Variants in PARP8 observed in about 807,000 individuals in gnomAD.
The protein encoded by PARP8 is protein mono-ADP-ribosyltransferase PARP8.
Under a neutral mutation model 124.1 loss-of-function variants are expected in PARP8, and 51 were observed. The ratio of observed to expected loss-of-function variants is 0.41; its 90% CI spans 0.33 to 0.52. PARP8 has a LOEUF of 0.52. Ranked by LOEUF, PARP8 falls within the 20% of genes least tolerant of loss-of-function variation. The pLI, the probability that PARP8 is intolerant of heterozygous loss-of-function variation, is 0.21. For missense variants in PARP8, 860 were observed against 1,018.9 expected (o/e 0.84, Z 2.12); for synonymous variants, 391 against 361.5 (o/e 1.08, Z -0.93).
At chr5:50,754,116 C>CATATAT (rs373375463) in intron 3 of PARP8, among the ~76,000 whole-genome samples, 1,337 of 63,552 alleles carry the variant, frequency 0.021, 9 homozygotes, top group Non-Finnish European at 0.026. Context: ...TGAAAACATT[C>CATATAT]ATATATATAT....
At chr5:50,679,010 A>G (rs1204674082) in intron 2 of PARP8, among the ~76,000 whole-genome samples, 1 of 152,180 alleles carries the variant, frequency 6.6e-6, no homozygotes, top group Admixed American at 6.5e-5. Flanking sequence ...AATGATATTT[A>G]TTTGTAACAT....
intron 2 of PARP8, among the ~76,000 whole-genome samples, chr5:50,676,834 C>T (rs971218420): frequency 1.3e-5 from 2 of 152,140 alleles, no homozygotes; most frequent in Non-Finnish European, 2.9e-5. Flanking sequence ...CCACATTAGT[C>T]GGGAAGCAAA....
chr5:50,754,452 C>T (rs998586215), intron 3 of PARP8, among the ~76,000 whole-genome samples: 12 of 151,582 alleles, frequency 7.9e-5, no homozygotes, highest in East Asian at 7.8e-4. Context: ...TTTGTCCTTG[C>T]GATAGTTTGC....
intron 3 of PARP8, among the ~76,000 whole-genome samples, chr5:50,754,408 C>T (rs1759674123): frequency 6.6e-6 from 1 of 151,534 alleles, no homozygotes; most frequent in Non-Finnish European, 1.5e-5. Flanking sequence ...TGTTCAATTC[C>T]CACCTATGAG....
chr5:50,787,149 C>A (rs1741349540), intron 9 of PARP8, among the ~76,000 whole-genome samples: 6 of 152,128 alleles, frequency 3.9e-5, no homozygotes, highest in Admixed American at 3.9e-4. Flanking sequence ...CCCGCAAAAT[C>A]TGTCCACTCT....
chr5:50,705,908 G>T (rs1561268779), intron 2 of PARP8, among the ~76,000 whole-genome samples: 1 of 152,086 alleles, frequency 6.6e-6, no homozygotes, highest in African/African-American at 2.4e-5. Context: ...TTCTCCATAT[G>T]GAGGGTCAGT....
chr5:50,782,348 C>G (rs1213487614), intron 9 of PARP8, among the ~76,000 whole-genome samples: 1 of 152,064 alleles, frequency 6.6e-6, no homozygotes, highest in South Asian at 2.1e-4. Flanking sequence ...TGTGTTTGTG[C>G]AAAAGTATTC....
At chr5:50,797,105 G>A (rs1304446823) in intron 13 of PARP8, 33 bp from the exon 14 acceptor site, 1 of 1,608,908 alleles carries the variant, frequency 6.2e-7, no homozygotes, top group East Asian at 2.2e-5. Flanking sequence ...TTATGAGCTT[G>A]TCTTAATTAT....
intron 15 of PARP8, among the ~76,000 whole-genome samples, chr5:50,818,364 G>A (rs755358198): frequency 1.3e-5 from 2 of 152,074 alleles, no homozygotes; most frequent in Non-Finnish European, 2.9e-5. Flanking sequence ...TAGTAGCTGG[G>A]ATAACAGGTC....
chr5:50,754,116 CATATATATATATATATATATAT>C (rs373375463), intron 3 of PARP8, among the ~76,000 whole-genome samples: 1 of 64,760 alleles, frequency 1.5e-5, no homozygotes, highest in South Asian at 6.4e-4. Context: ...TGAAAACATT[CATATATATATATATATATATAT>C]ATATATATAT....
In PARP8 at chr5:50,842,389, G is replaced by T; in HGVS notation, c.*321G>T. ...TACTAAACTCTTTAACTGGATATTT[G>T]GTATTATATACCGACATTTTAGGTT... On this transcript the variant is annotated 3_prime_UTR_variant, in exon 26 of 26. Transcript: ENST00000281631. The T allele has an allele frequency of 4.9e-6, 1 of 203,586 alleles. No homozygotes were observed. The highest frequency in any genetic ancestry group is 9.8e-6 in the Non-Finnish European group (1 of 101,550). 12.6% of individuals were successfully genotyped at this position (203,586 alleles called of 1,614,324 possible).
chr5:50,846,435 GC>G lies in PARP8; in HGVS notation c.*4369del, dbSNP rs1265935361. 7 of 151,630 alleles carry G rather than the reference GC, an allele frequency of 4.6e-5. No homozygotes were observed. Among genetic ancestry groups the G allele is most frequent in the Admixed American group, 4.6e-4 (7 of 15,176 alleles). The allele number at this position is 151,630 out of a possible 1,614,324, so 9.4% of individuals were successfully genotyped here. ...GCTCTTGCTTTCTATTGCTACTAAA[GC>G]CTCTTTTATCCAGCTTTGTAATAGT... On this transcript the variant is annotated 3_prime_UTR_variant, in exon 26 of 26. Coordinates refer to ENST00000281631, the MANE Select transcript of PARP8 (RefSeq NM_024615.4).
chr5:50,751,894 A>G (rs145206337), intron 3 of PARP8, among the ~76,000 whole-genome samples: 31 of 152,186 alleles, frequency 2.0e-4, no homozygotes, highest in African/African-American at 7.0e-4. Flanking sequence ...TATTTGTACT[A>G]AGAGTTGTTG....
rs1213206220 is a variant in PARP8 at position 50,828,323 on chromosome 5, T to C, written c.2102T>C (p.Ile701Thr). Reference protein sequence around the residue: ...GSTFAFHGSHIENWHSILRNG... With the variant: ...GSTFAFHGSHTENWHSILRNG... ...GTCTGTTTTTTTAGTGGCTCACACA[T>C]TGAAAACTGGCACTCCATCCTGAGG... The change falls in exon 21 of 26, where the codon ATT becomes ACT. Residue 701 changes from isoleucine to threonine, a missense_variant. Ile to Thr is a moderately conservative substitution (Grantham distance 89). Transcript: ENST00000281631. 1.2e-6 allele frequency: 2 copies of C among 1,613,636 alleles called. No individual in the cohort carries two copies. Among genetic ancestry groups the C allele is most frequent in the Non-Finnish European group, 1.7e-6 (2 of 1,179,716 alleles).
intron 5 of PARP8, 69 bp from the exon 6 acceptor site, chr5:50,761,752 G>T: frequency 9.9e-7 from 1 of 1,010,616 alleles, no homozygotes; most frequent in South Asian, 1.5e-5. Flanking sequence ...GCCTATTATA[G>T]TCACTTGCTA....
In PARP8 at chr5:50,709,919, A is replaced by AGT. The variant is rs1331200400; in HGVS notation, c.147-40229_147-40228dup. Among the ~76,000 whole-genome samples the AGT allele has an allele frequency of 5.8e-4, 36 of 62,498 alleles. 1 individual carries two copies. Among genetic ancestry groups the AGT allele is most frequent in the Middle Eastern group, 7.5e-3 (1 of 134 alleles). The allele number at this position is 62,498 out of a possible 152,430, so 41.0% of individuals were successfully genotyped here. On this transcript the variant is annotated intron_variant, in intron 2 of 25. Transcript: ENST00000281631. ...GACTATGAGAATATGAGGTAGAAAG[A>AGT]GTGTATATATATATATATATATATA...
chr5:50,688,734 C>T (rs991300874), intron 2 of PARP8, among the ~76,000 whole-genome samples: 10 of 152,148 alleles, frequency 6.6e-5, no homozygotes, highest in African/African-American at 2.4e-4. Flanking sequence ...TAGCTTGACT[C>T]TTGAAGTATT....
At chr5:50,793,599 G>C (rs1742200077) in intron 10 of PARP8, among the ~76,000 whole-genome samples, 1 of 152,144 alleles carries the variant, frequency 6.6e-6, no homozygotes, top group Non-Finnish European at 1.5e-5. Flanking sequence ...ATTTAGTATA[G>C]TATCTTCAAA....
intron 7 of PARP8, among the ~76,000 whole-genome samples, chr5:50,774,849 G>C (rs1739775486): frequency 6.9e-6 from 1 of 144,610 alleles, no homozygotes; most frequent in South Asian, 2.2e-4. Context: ...AGATGGGGTG[G>C]TGGCCAGGCA....
Sources: gnomAD v4.1 joint callset for allele counts (sites outside exome capture counted in the v4.1 genomes callset) on GRCh38, gnomAD v4.1.1 for gene constraint, MANE v1.5 for transcripts, NCBI Gene and HGNC (gene_info 2026-07-23, HGNC 2026-07-21) for gene names.